EXOC4: variants seen among roughly 807,000 people sequenced by gnomAD.
EXOC4 encodes SEC8-like 1.
In EXOC4, 71 loss-of-function variants were observed where a neutral mutation model predicts 107.2. The ratio of observed to expected loss-of-function variants is 0.66; its 90% CI spans 0.55 to 0.81. The LOEUF (loss-of-function observed/expected upper bound fraction) is 0.81. EXOC4 is among the 30% of genes least tolerant of loss of function. The pLI is 0.00. For synonymous variants in EXOC4, 456 were observed against 441.2 expected (o/e 1.03, Z -0.42); for missense variants, 1,108 against 1,189.6 (o/e 0.93, Z 1.01).
At chr7:133,383,064 C>T (rs1270511994) in intron 7 of EXOC4, among the ~76,000 whole-genome samples, 5 of 152,078 alleles carry the variant, frequency 3.3e-5, no homozygotes, top group Non-Finnish European at 7.4e-5. Context: ...ATGTTTTTGC[C>T]CTTTTGAGCA....
chr7:133,324,889 T>C (rs1795201289), intron 5 of EXOC4, among the ~76,000 whole-genome samples: 1 of 152,222 alleles, frequency 6.6e-6, no homozygotes, highest in South Asian at 2.1e-4. Context: ...TGAATCTGGG[T>C]GCTCCTGTAT....
At chr7:133,760,887 C>A (rs757289648) in intron 10 of EXOC4, among the ~76,000 whole-genome samples, 2 of 152,106 alleles carry the variant, frequency 1.3e-5, no homozygotes, top group Non-Finnish European at 2.9e-5. Context: ...ATATTTGATA[C>A]AACAACATTC....
intron 7 of EXOC4, among the ~76,000 whole-genome samples, chr7:133,445,595 C>T (rs1439420369): frequency 1.3e-5 from 2 of 148,964 alleles, no homozygotes; most frequent in East Asian, 4.0e-4. Flanking sequence ...TGTGCTTCCA[C>T]CTCAGAGGCC....
At chr7:133,643,765 C>G (rs1217557483) in intron 10 of EXOC4, among the ~76,000 whole-genome samples, 1 of 152,120 alleles carries the variant, frequency 6.6e-6, no homozygotes, top group Non-Finnish European at 1.5e-5. Flanking sequence ...AATGAAGAAA[C>G]TTTCTTAATG....
intron 9 of EXOC4, among the ~76,000 whole-genome samples, chr7:133,625,810 T>G (rs1802439666): frequency 1.3e-5 from 2 of 152,124 alleles, no homozygotes; most frequent in African/African-American, 4.8e-5. Context: ...CTGGTGCCTA[T>G]CACCTGGCCT....
chr7:133,594,690 C>T (rs969981658), intron 9 of EXOC4, among the ~76,000 whole-genome samples: 1 of 151,794 alleles, frequency 6.6e-6, no homozygotes, highest in African/African-American at 2.4e-5. Flanking sequence ...GATGGGGTTT[C>T]ACCATGTTGG....
intron 7 of EXOC4, among the ~76,000 whole-genome samples, chr7:133,463,222 GAGC>G (rs1798636482): frequency 6.6e-6 from 1 of 152,120 alleles, no homozygotes; most frequent in South Asian, 2.1e-4. Flanking sequence ...AGACTGAGAA[GAGC>G]CACAACTAAC....
intron 10 of EXOC4, among the ~76,000 whole-genome samples, chr7:133,719,026 A>C (rs1795053032): frequency 6.6e-6 from 1 of 152,154 alleles, no homozygotes; most frequent in Admixed American, 6.5e-5. Flanking sequence ...CCCAAATCTC[A>C]TCTTGAATTG....
chr7:133,926,958 GAGTCATATATTAA>G (rs765778259), intron 13 of EXOC4, among the ~76,000 whole-genome samples: 6 of 152,008 alleles, frequency 3.9e-5, no homozygotes, highest in Non-Finnish European at 7.4e-5. Flanking sequence ...TATTTGGCAC[GAGTCATATATTAA>G]ATGTTCAGTG....
intron 10 of EXOC4, among the ~76,000 whole-genome samples, chr7:133,775,550 G>A (rs1337895815): frequency 3.3e-5 from 5 of 152,176 alleles, no homozygotes; most frequent in Non-Finnish European, 7.4e-5. Flanking sequence ...TATATAACAG[G>A]TGCATCAGCA....
chr7:133,865,359 C>G (rs1798615028), intron 11 of EXOC4, among the ~76,000 whole-genome samples: 2 of 152,164 alleles, frequency 1.3e-5, no homozygotes. Context: ...CTAGAAATGA[C>G]ATATAAATTC....
At chr7:133,291,941 GT>G (rs11308895) in intron 3 of EXOC4, among the ~76,000 whole-genome samples, 48,972 of 151,956 alleles carry the variant, frequency 0.32, 9,546 homozygotes, top group African/African-American at 0.55. Context: ...TCTTTATTTT[GT>G]TTTAATGGTG....
At chr7:133,694,839 C>T (rs976984596) in intron 10 of EXOC4, among the ~76,000 whole-genome samples, 7 of 152,100 alleles carry the variant, frequency 4.6e-5, no homozygotes, top group South Asian at 2.1e-4. Context: ...ATTAATCAAC[C>T]TTTCATCATC....
chr7:133,377,236 C>T (rs1419756840), intron 7 of EXOC4, among the ~76,000 whole-genome samples: 1 of 152,104 alleles, frequency 6.6e-6, no homozygotes, highest in Non-Finnish European at 1.5e-5. Context: ...CACCTGTAAT[C>T]CCAGCTACTC....
chr7:133,992,043 G>A (rs1276193171), intron 14 of EXOC4, among the ~76,000 whole-genome samples: 1 of 151,990 alleles, frequency 6.6e-6, no homozygotes, highest in Non-Finnish European at 1.5e-5. Flanking sequence ...GTTGCTTTTG[G>A]TACTATAGAC....
chr7:134,004,891 C>T, intron 15 of EXOC4, 21 bp from the exon 16 acceptor site: 2 of 1,603,272 alleles, frequency 1.2e-6, no homozygotes, highest in Non-Finnish European at 1.7e-6. Context: ...TAACTGCTCT[C>T]CCTATCTCTC....
chr7:133,770,427 G>A (rs920005815), intron 10 of EXOC4, among the ~76,000 whole-genome samples: 4 of 151,878 alleles, frequency 2.6e-5, no homozygotes, highest in African/African-American at 9.7e-5. Flanking sequence ...AGACATGACA[G>A]TTGTTGCTGT....
intron 2 of EXOC4, among the ~76,000 whole-genome samples, chr7:133,278,603 A>C (rs1234359471): frequency 6.6e-6 from 1 of 152,186 alleles, no homozygotes; most frequent in Admixed American, 6.5e-5. Flanking sequence ...TTGGAGCAGC[A>C]GCAAGGTGGT....
At chr7:134,021,585 T>C (rs2116425741) in intron 17 of EXOC4, among the ~76,000 whole-genome samples, 1 of 152,296 alleles carries the variant, frequency 6.6e-6, no homozygotes, top group East Asian at 1.9e-4. Context: ...GCATTCTTAA[T>C]CTCCGTGTTC....
Sources: allele counts gnomAD v4.1 joint callset (sites outside exome capture counted in the v4.1 genomes callset), GRCh38; gene constraint gnomAD v4.1.1; transcripts MANE v1.5; gene names NCBI Gene and HGNC (gene_info 2026-07-23, HGNC 2026-07-21).